Variants in PRPF6 observed in about 807,000 individuals in gnomAD.
The protein encoded by PRPF6 is pre-mRNA processing factor 6.
In PRPF6, 42 loss-of-function variants were observed where a neutral mutation model predicts 118.3. That is an observed-to-expected ratio of 0.35 (90% confidence interval 0.28 to 0.46). The LOEUF (loss-of-function observed/expected upper bound fraction) is 0.46, where lower values mean the gene tolerates loss of function less well. PRPF6 is among the 20% of genes least tolerant of loss of function. The probability of loss-of-function intolerance (pLI) is 1.00; values close to 1 mark genes in which losing one functional copy is unlikely to be tolerated. For synonymous variants in PRPF6, 481 were observed against 485.1 expected (o/e 0.99, Z 0.11); for missense variants, 662 against 1,255.7 (o/e 0.53, Z 7.15).
chr20:64,021,987 C>CGTGTGTGTGTGTGTGT (rs1569223726), intron 12 of PRPF6, among the ~76,000 whole-genome samples: 1 of 115,316 alleles, frequency 8.7e-6, no homozygotes, highest in African/African-American at 3.9e-5. Flanking sequence ...CGGCCACAGC[C>CGTGTGTGTGTGTGTGT]CTGTGTGTGT....
intron 2 of PRPF6, among the ~76,000 whole-genome samples, chr20:63,984,377 C>A (rs558990571): frequency 9.4e-4 from 143 of 151,446 alleles, no homozygotes; most frequent in Middle Eastern, 6.8e-3. Flanking sequence ...GCCAAGATTG[C>A]GCCACTGCAC....
At chr20:63,986,644 A>C (rs2059094941) in intron 3 of PRPF6, among the ~76,000 whole-genome samples, 1 of 151,174 alleles carries the variant, frequency 6.6e-6, no homozygotes, top group Non-Finnish European at 1.5e-5. Flanking sequence ...GCCCGCCACC[A>C]CGCCTGGCTA....
At chr20:63,996,255 C>T (rs2059140754) in intron 6 of PRPF6, among the ~76,000 whole-genome samples, 1 of 152,154 alleles carries the variant, frequency 6.6e-6, no homozygotes, top group Non-Finnish European at 1.5e-5. Flanking sequence ...AGGAGAATTG[C>T]TTGAACCCGG....
chr20:64,028,008 C>T lies in PRPF6; in HGVS notation c.2339+272C>T, dbSNP rs897138649. ...AGGGAGGGGTTAATGATGGCTGGGA[C>T]GAGGGAAGGATGGACCCCGGAGAGC... On this transcript the variant is annotated intron_variant, in intron 17 of 20. Transcript: ENST00000266079. This position sits in a 1 kb window ranked among gnomAD's most constrained non-coding sequence, Gnocchi z 6.5. 1.9e-4 allele frequency among the ~76,000 whole-genome samples: 29 copies of T among 151,948 alleles called. No homozygotes were observed. The highest frequency in any genetic ancestry group is 1.3e-4 in the Non-Finnish European group (9 of 67,990).
Position 64,026,893 on chromosome 20 carries a change from C to G in PRPF6, c.2029-89C>G. On this transcript the variant is annotated intron_variant, in intron 15 of 20. Coordinates refer to ENST00000266079, the MANE Select transcript of PRPF6 (RefSeq NM_012469.4). This position sits in a 1 kb window ranked among gnomAD's most constrained non-coding sequence, Gnocchi z 4.4. Reference sequence around the variant, plus strand: ...AAAGCTTACAAAAGTACACACAGTACTGCAGGTAACAGTGTTGAGGATGAG... The same window carrying G: ...AAAGCTTACAAAAGTACACACAGTAGTGCAGGTAACAGTGTTGAGGATGAG... 1 of 1,318,460 alleles carries G rather than the reference C, an allele frequency of 7.6e-7. No homozygotes were observed. The highest frequency in any genetic ancestry group is 1.4e-5 in the African/African-American group (1 of 69,232). 81.7% of individuals were successfully genotyped at this position (1,318,460 alleles called of 1,614,324 possible). A position where few individuals can be genotyped will look rare whatever the true frequency, so the allele number is the denominator to read the frequency against.
chr20:63,986,977 T>G (rs2059096973), intron 3 of PRPF6, among the ~76,000 whole-genome samples: 1 of 150,880 alleles, frequency 6.6e-6, no homozygotes, highest in African/African-American at 2.4e-5. Flanking sequence ...GAGACCAGCC[T>G]AGGCAAGAGG....
intron 13 of PRPF6, among the ~76,000 whole-genome samples, chr20:64,023,567 C>G (rs768147546): frequency 6.6e-6 from 1 of 151,924 alleles, no homozygotes; most frequent in East Asian, 1.9e-4. Context: ...GCCATTGTCT[C>G]TTTGCTTTTC....
At chr20:63,984,563 G>A (rs969951706) in intron 2 of PRPF6, among the ~76,000 whole-genome samples, 5 of 152,162 alleles carry the variant, frequency 3.3e-5, no homozygotes, top group East Asian at 1.9e-4. Context: ...TTATTGAAAC[G>A]AAGGAGTTAA....
At position 64,026,176 on chromosome 20, in the gene PRPF6, A is replaced by G; in HGVS notation, c.2028+118A>G. On this transcript the variant is annotated intron_variant, in intron 15 of 20. Transcript: ENST00000266079. This position sits in a 1 kb window ranked among gnomAD's most constrained non-coding sequence, Gnocchi z 4.4. The stretch of plus-strand genomic sequence containing the variant: ...GACGGCAGGCAAACGAGACCACAGC[A>G]CACTCATCTTTGTGATGTGACTAAA... The G allele has an allele frequency of 6.6e-7, 1 of 1,518,554 alleles. No homozygotes were observed. Among genetic ancestry groups the G allele is most frequent in the South Asian group, 1.2e-5 (1 of 86,734 alleles). The allele number at this position is 1,518,554 out of a possible 1,614,324, so 94.1% of individuals were successfully genotyped here. A position where few individuals can be genotyped will look rare whatever the true frequency, so the allele number is the denominator to read the frequency against.
intron 5 of PRPF6, 47 bp from the exon 6 acceptor site, chr20:63,995,280 A>G (rs1170835307): frequency 1.4e-5 from 22 of 1,582,570 alleles, no homozygotes; most frequent in Non-Finnish European, 1.7e-5. Context: ...TTGGGCATGC[A>G]GTGCAAACCG....
At chr20:64,008,185 T>C (rs1037816828) in intron 9 of PRPF6, among the ~76,000 whole-genome samples, 14 of 152,156 alleles carry the variant, frequency 9.2e-5, no homozygotes, top group African/African-American at 3.4e-4. Flanking sequence ...CATGCACACA[T>C]GGTTGGTTTG....
rs200243234 is a variant in PRPF6, at chr20:63,981,357, A to T, written c.71+41A>T. 4.5e-3 allele frequency: 6,891 copies of T among 1,539,332 alleles called. 29 individuals are homozygous for T. The highest frequency in any genetic ancestry group is 5.3e-3 in the Non-Finnish European group (5,993 of 1,136,244). Reference sequence around the variant, plus strand: ...GCGCGCGAGGGGCGGGGACCCGGCTACAGGAGCGCAGTGCTTTGGGGCGTG... The same window carrying T: ...GCGCGCGAGGGGCGGGGACCCGGCTTCAGGAGCGCAGTGCTTTGGGGCGTG... On this transcript the variant is annotated intron_variant, in intron 1 of 20. Transcript: ENST00000266079.
intron 6 of PRPF6, among the ~76,000 whole-genome samples, chr20:63,998,197 T>C (rs1467370306): frequency 6.6e-6 from 1 of 151,882 alleles, no homozygotes; most frequent in African/African-American, 2.4e-5. Flanking sequence ...CAGGTTCATG[T>C]GATTCTCCTG....
At chr20:64,030,350 G>A (rs1331761282) in intron 19 of PRPF6, among the ~76,000 whole-genome samples, 3 of 152,132 alleles carry the variant, frequency 2.0e-5, no homozygotes, top group East Asian at 3.9e-4. Context: ...TCCTGTGTCC[G>A]GCTTCCCCTC....
chr20:63,984,865 T>C, intron 2 of PRPF6, 42 bp from the exon 3 acceptor site: 1 of 1,406,724 alleles, frequency 7.1e-7, no homozygotes, highest in Non-Finnish European at 1.0e-6. Context: ...GGGATGGTGT[T>C]GAAGGAAAAG....
At position 64,028,162 on chromosome 20, in the gene PRPF6, C is replaced by T. The variant is rs1442658525; in HGVS notation, c.2340-316C>T. Among the ~76,000 whole-genome samples, 4 of 152,168 alleles carry T rather than the reference C, an allele frequency of 2.6e-5. No homozygotes were observed. The highest frequency in any genetic ancestry group is 2.1e-4 in the South Asian group (1 of 4,824). ...GGCTGGAGCACTGTGCAGGCACTGC[C>T]GCAGACAGGCAGCTTCTGGGTGCCT... On this transcript the variant is annotated intron_variant, in intron 17 of 20. Coordinates refer to ENST00000266079, the MANE Select transcript of PRPF6 (RefSeq NM_012469.4). The surrounding 1 kb of genome is among the most constrained non-coding windows in gnomAD (Gnocchi z 6.5).
chr20:63,993,266 ATG>A (rs1402313172), intron 3 of PRPF6, 139 bp from the exon 4 acceptor site: 109 of 301,766 alleles, frequency 3.6e-4, no homozygotes, highest in African/African-American at 1.0e-3. Context: ...GTGTGTGTAT[ATG>A]TATATATATA....
rs1417662258 is a variant in PRPF6 at position 64,011,275 on chromosome 20, C to T, written c.1306-10C>T. The T allele has an allele frequency of 1.2e-6, 2 of 1,613,868 alleles. No individual in the cohort carries two copies. Among genetic ancestry groups the T allele is most frequent in the Non-Finnish European group, 8.5e-7 (1 of 1,179,866 alleles). On this transcript the variant is annotated splice_polypyrimidine_tract_variant and intron_variant, in intron 10 of 20. Coordinates refer to ENST00000266079, the MANE Select transcript of PRPF6 (RefSeq NM_012469.4). This position sits in a 1 kb window ranked among gnomAD's most constrained non-coding sequence, Gnocchi z 6.7. ...TGTCCTCTCCTTTTTCTCGTGTCCT[C>T]TCCGCGTAGCTCTGGCTTGCTCTGG... is the stretch of plus-strand genomic sequence containing the variant.
intron 12 of PRPF6, among the ~76,000 whole-genome samples, chr20:64,019,061 C>T (rs1233902128): frequency 2.0e-5 from 3 of 151,126 alleles, no homozygotes; most frequent in South Asian, 2.1e-4. Flanking sequence ...TGAGTTAAGA[C>T]GCAGGGCAGC....
Sources: allele counts gnomAD v4.1 joint callset (sites outside exome capture counted in the v4.1 genomes callset), GRCh38; gene constraint gnomAD v4.1.1; non-coding constraint Gnocchi (gnomAD v3.1); transcripts MANE v1.5; gene names NCBI Gene and HGNC (gene_info 2026-07-23, HGNC 2026-07-21).